Variants in HECW2 observed in about 807,000 individuals in gnomAD.
HECW2 encodes the protein E3 ubiquitin-protein ligase HECW2.
A neutral mutation model predicts 175.2 loss-of-function variants in HECW2; 61 were observed. That is an observed-to-expected ratio of 0.35 (90% CI 0.28 to 0.43). The LOEUF is 0.43. HECW2 is among the 20% of genes least tolerant of loss of function. The probability of loss-of-function intolerance (pLI) is 1.00; values close to 1 mark genes in which losing one functional copy is unlikely to be tolerated. For missense variants in HECW2, 1,524 were observed against 2,000.5 expected (o/e 0.76, Z 4.54); for synonymous variants, 671 against 731.0 (o/e 0.92, Z 1.32).
At position 196,318,756 on chromosome 2, in the gene HECW2, C is replaced by T. The variant is rs769452641; in HGVS notation, c.2134G>A (p.Val712Met). 1 of 1,529,846 alleles carries T rather than the reference C, an allele frequency of 6.5e-7. No homozygotes were observed. Among genetic ancestry groups the T allele is most frequent in the Non-Finnish European group, 8.8e-7 (1 of 1,138,056 alleles). The allele number at this position is 1,529,846 out of a possible 1,614,324, so 94.8% of individuals were successfully genotyped here. The part of the protein sequence containing the change: ...CTAGSLPVVQ[V>M]PSGEDEGPGA... ...GGCCCTTCATCCTCCCCACTGGGCA[C>T]CTGTACCACAGGTAAAGAACCAGCA... is the stretch of plus-strand genomic sequence containing the variant. The change falls in exon 9 of 29, where the codon GTG becomes ATG. Residue 712 changes from valine to methionine, a missense_variant. By Grantham distance (21) the Val-to-Met change is conservative. Coordinates refer to ENST00000644978, the MANE Select transcript of HECW2 (RefSeq NM_001348768.2).
intron 14 of HECW2, among the ~76,000 whole-genome samples, chr2:196,282,901 T>C (rs1014870733): frequency 3.3e-5 from 5 of 152,076 alleles, no homozygotes; most frequent in African/African-American, 7.2e-5. Flanking sequence ...GAGGGGTCCA[T>C]TCAGACGGTT....
intron 11 of HECW2, among the ~76,000 whole-genome samples, chr2:196,307,535 A>T (rs1691315325): frequency 6.6e-6 from 1 of 152,232 alleles, no homozygotes; most frequent in African/African-American, 2.4e-5. Flanking sequence ...GTTCCACAGC[A>T]ATTAATTCTT....
chr2:196,517,659 A>G (rs954167311), intron 1 of HECW2, among the ~76,000 whole-genome samples: 2 of 152,266 alleles, frequency 1.3e-5, no homozygotes, highest in South Asian at 2.1e-4. Context: ...TTAATCATAT[A>G]ATAATACTAC....
chr2:196,506,072 C>A (rs1490075798), intron 1 of HECW2, among the ~76,000 whole-genome samples: 1 of 152,008 alleles, frequency 6.6e-6, no homozygotes, highest in East Asian at 1.9e-4. Flanking sequence ...CTGGCCAGTG[C>A]TCAGCTAGTT....
intron 21 of HECW2, among the ~76,000 whole-genome samples, chr2:196,236,327 C>A (rs1688251598): frequency 6.6e-6 from 1 of 152,194 alleles, no homozygotes; most frequent in South Asian, 2.1e-4. Context: ...CGAATCCTGA[C>A]TGCATATTTT....
At chr2:196,321,222 T>C (rs13394947) in intron 7 of HECW2, among the ~76,000 whole-genome samples, 7,335 of 152,220 alleles carry the variant, frequency 0.048, 512 homozygotes, top group African/African-American at 0.15. Flanking sequence ...GAAGCAGGTT[T>C]AGTTTTTGCC....
At chr2:196,371,684 C>T (rs1026249165) in intron 2 of HECW2, among the ~76,000 whole-genome samples, 1 of 152,140 alleles carries the variant, frequency 6.6e-6, no homozygotes, top group Non-Finnish European at 1.5e-5. Flanking sequence ...TTTCTACTAG[C>T]TTATTTTCAC....
intron 28 of HECW2, among the ~76,000 whole-genome samples, chr2:196,211,776 C>A (rs551134901): frequency 6.6e-6 from 1 of 152,282 alleles, no homozygotes; most frequent in African/African-American, 2.4e-5. Context: ...TCCTTTACAG[C>A]CCCTCCAACC....
chr2:196,269,287 C>T (rs1345021997), intron 17 of HECW2: 3 of 151,996 alleles, frequency 2.0e-5, no homozygotes, highest in Non-Finnish European at 2.9e-5. Context: ...GCATTCAATA[C>T]CAGCCTGACT....
At chr2:196,525,765 G>A (rs1384929576) in intron 1 of HECW2, among the ~76,000 whole-genome samples, 1 of 146,000 alleles carries the variant, frequency 6.8e-6, no homozygotes, top group African/African-American at 2.6e-5. Context: ...ATGAAATTCT[G>A]GGTTGAAAAT....
At chr2:196,419,961 G>A (rs1528394) in intron 2 of HECW2, among the ~76,000 whole-genome samples, 10 of 152,128 alleles carry the variant, frequency 6.6e-5, no homozygotes, top group African/African-American at 2.4e-4. Context: ...AAGGCATTAC[G>A]ATGGTTCTGG....
At chr2:196,289,935 G>A (rs1353426332) in intron 14 of HECW2, 1 of 152,118 alleles carries the variant, frequency 6.6e-6, no homozygotes, top group Non-Finnish European at 1.5e-5. Flanking sequence ...AGAATCGCAT[G>A]GAGATAAATC....
chr2:196,443,945 G>C (rs1450870605), intron 1 of HECW2, among the ~76,000 whole-genome samples: 14 of 152,184 alleles, frequency 9.2e-5, no homozygotes, highest in Admixed American at 9.2e-4. Flanking sequence ...TGAAGTGGGA[G>C]GATCGCTTGA....
At position 196,194,212 on chromosome 2, in the gene HECW2, T is replaced by TATAA. The variant is rs1218761090; in HGVS notation, c.*7061_*7064dup. The TATAA allele has an allele frequency of 2.0e-5, 3 of 151,280 alleles. No individual in the cohort carries two copies. The East Asian group carries it at 5.8e-4, about 29-fold the overall frequency. 9.4% of individuals were successfully genotyped at this position (151,280 alleles called of 1,614,324 possible). A position where few individuals can be genotyped will look rare whatever the true frequency, so the allele number is the denominator to read the frequency against. ...ATATTTTATTAATAAATAATAAAAATATAAATAAAAATAAACAAAATACTA... is the reference window on the plus strand; with the variant it reads ...ATATTTTATTAATAAATAATAAAAATATAAATAAATAAAAATAAACAAAATACTA... On this transcript the variant is annotated 3_prime_UTR_variant, in exon 29 of 29. Coordinates refer to ENST00000644978, the MANE Select transcript of HECW2 (RefSeq NM_001348768.2).
At chr2:196,507,167 T>TGTGTATATTACACACACTAATAC (rs1559148714) in intron 1 of HECW2, among the ~76,000 whole-genome samples, 6 of 5,202 alleles carry the variant, frequency 1.2e-3, no homozygotes, top group African/African-American at 1.8e-3. Flanking sequence ...ACACACACTA[T>TGTGTATATTACACACACTAATAC]GTGTATATTA....
intron 4 of HECW2, chr2:196,331,151 TG>T: frequency 6.1e-6 from 6 of 985,460 alleles, no homozygotes; most frequent in Non-Finnish European, 7.2e-6. Flanking sequence ...TTGCTTCACA[TG>T]TCCTCTGCAA....
At chr2:196,540,641 C>T (rs1246793823) in intron 1 of HECW2, among the ~76,000 whole-genome samples, 2 of 152,038 alleles carry the variant, frequency 1.3e-5, no homozygotes, top group African/African-American at 2.4e-5. Context: ...GACGGGGTCT[C>T]GCTATGTTGC....
chr2:196,559,671 C>T (rs183418278), intron 1 of HECW2, among the ~76,000 whole-genome samples: 58 of 152,144 alleles, frequency 3.8e-4, no homozygotes, highest in Admixed American at 2.7e-3. Context: ...ATTATAACTT[C>T]GACAATTTAG....
intron 21 of HECW2, among the ~76,000 whole-genome samples, chr2:196,229,957 A>G (rs1017253206): frequency 2.2e-4 from 34 of 152,214 alleles, no homozygotes; most frequent in African/African-American, 8.2e-4. Flanking sequence ...TGTAGTAGCT[A>G]AAATCATTTA....
Sources: allele counts gnomAD v4.1 joint callset (sites outside exome capture counted in the v4.1 genomes callset), GRCh38; gene constraint gnomAD v4.1.1; transcripts MANE v1.5; gene names NCBI Gene and HGNC (gene_info 2026-07-23, HGNC 2026-07-21).